DNAJB13: variants seen among roughly 807,000 people sequenced by gnomAD.
DNAJB13 encodes the protein dnaJ homolog subfamily B member 13.
In DNAJB13, 22 loss-of-function variants were observed where a neutral mutation model predicts 35.6. The ratio of observed to expected loss-of-function variants is 0.62; its 90% CI spans 0.44 to 0.88. The LOEUF is 0.88. DNAJB13 is among the 40% of genes least tolerant of loss of function. The pLI is 0.00. For synonymous variants in DNAJB13, 136 were observed against 144.2 expected (o/e 0.94, Z 0.41); for missense variants, 370 against 384.3 (o/e 0.96, Z 0.31).
chr11:73,959,647 C>T lies in DNAJB13; in HGVS notation c.326C>T (p.Pro109Leu). The change falls in exon 3 of 8, where the codon CCC (proline) becomes CTC (leucine). Residue 109 changes from proline (P) to leucine (L), a missense_variant. By Grantham distance (98) the Pro-to-Leu change is moderately conservative. Transcript: ENST00000339764. Reference protein sequence around the residue: ...VFHEFFGGNNPFSEFFDAEGS... With the variant: ...VFHEFFGGNNLFSEFFDAEGS... Reference sequence around the variant, plus strand: ...CACGAGTTCTTTGGTGGAAACAACCCCTTCAGTGGTAAGAGGTCTTCCTCC... The same window carrying T: ...CACGAGTTCTTTGGTGGAAACAACCTCTTCAGTGGTAAGAGGTCTTCCTCC... 1 of 1,613,780 alleles carries T rather than the reference C, an allele frequency of 6.2e-7. No homozygotes were observed. Among genetic ancestry groups the T allele is most frequent in the Non-Finnish European group, 8.5e-7 (1 of 1,179,784 alleles).
At chr11:73,954,058 C>G (rs2135276530) in intron 1 of DNAJB13, among the ~76,000 whole-genome samples, 1 of 149,900 alleles carries the variant, frequency 6.7e-6, no homozygotes, top group Admixed American at 6.7e-5. Flanking sequence ...GACACAGTGG[C>G]TCACACCTGT....
At position 73,964,818 on chromosome 11, in the gene DNAJB13, C is replaced by CGT. The variant is rs746651195; in HGVS notation, c.335-59_335-58insTG. ...GTGTGTGTGTGTGTGTGTGTGCGCG[C>CGT]GCGCGCATGTCTGGGTCTCTGGATA... On this transcript the variant is annotated intron_variant, in intron 3 of 7. Coordinates refer to ENST00000339764, the MANE Select transcript of DNAJB13 (RefSeq NM_153614.4). 1.3e-3 allele frequency: 1,991 copies of CGT among 1,511,446 alleles called. 98 individuals are homozygous for CGT. In the African/African-American group the frequency reaches 0.025, roughly 19 times the overall value. The allele number at this position is 1,511,446 out of a possible 1,614,324, so 93.6% of individuals were successfully genotyped here.
chr11:73,969,084 G>C (rs1951207722), intron 6 of DNAJB13, among the ~76,000 whole-genome samples, 162 bp from the exon 7 acceptor site: 1 of 152,118 alleles, frequency 6.6e-6, no homozygotes, highest in Non-Finnish European at 1.5e-5. Flanking sequence ...TCCTGCCAGT[G>C]CAGAAAATTG....
intron 3 of DNAJB13, among the ~76,000 whole-genome samples, chr11:73,961,014 T>A (rs77538513): frequency 1.3e-5 from 2 of 152,032 alleles, no homozygotes; most frequent in Admixed American, 1.3e-4. Flanking sequence ...AGGCCAGGTG[T>A]GGTGGCTCAC....
chr11:73,957,324 A>G (rs1042994672), intron 1 of DNAJB13, among the ~76,000 whole-genome samples: 2 of 151,982 alleles, frequency 1.3e-5, no homozygotes, highest in South Asian at 2.1e-4. Context: ...CTGTCCACAC[A>G]CTCCAACAGA....
Position 73,964,837 on chromosome 11 carries a change from CTG to C in DNAJB13, c.335-40_335-39del, listed in dbSNP as rs774320565. ...TGCGCGCGCGCGCATGTCTGGGTCT[CTG>C]GATACAATTTCTCTTACTCCTCTCC... On this transcript the variant is annotated intron_variant, in intron 3 of 7. Coordinates refer to ENST00000339764, the MANE Select transcript of DNAJB13 (RefSeq NM_153614.4). The C allele has an allele frequency of 8.3e-6, 13 of 1,571,236 alleles. No individual in the cohort carries two copies. In the African/African-American group the frequency reaches 1.3e-4, roughly 16 times the overall value.
chr11:73,956,411 G>A (rs1298002813), intron 1 of DNAJB13, among the ~76,000 whole-genome samples: 1 of 152,136 alleles, frequency 6.6e-6, no homozygotes, highest in Non-Finnish European at 1.5e-5. Context: ...AGAGGGAGAA[G>A]CAGGGGCTTG....
intron 1 of DNAJB13, among the ~76,000 whole-genome samples, chr11:73,953,335 G>A (rs149176964): frequency 6.6e-6 from 1 of 152,164 alleles, no homozygotes; most frequent in South Asian, 2.1e-4. Context: ...ACTGTAGCAG[G>A]ACGAGCCGCA....
chr11:73,954,721 C>T (rs1198562807), intron 1 of DNAJB13, among the ~76,000 whole-genome samples: 2 of 151,702 alleles, frequency 1.3e-5, no homozygotes, highest in African/African-American at 4.8e-5. Context: ...TTTGGGAGGA[C>T]GAGGCAGGAG....
chr11:73,964,634 C>A, intron 3 of DNAJB13: 1 of 489,974 alleles, frequency 2.0e-6, no homozygotes, highest in South Asian at 2.4e-5. Context: ...TGGGAAATGG[C>A]AAAGGATGAT....
chr11:73,965,501 C>CA (rs1951086848), intron 4 of DNAJB13: 1 of 161,114 alleles, frequency 6.2e-6, no homozygotes, highest in Non-Finnish European at 1.4e-5. Context: ...CTCAGTGCCT[C>CA]ATGTCTAGTC....
chr11:73,968,718 C>T (rs1191283671), intron 6 of DNAJB13, among the ~76,000 whole-genome samples: 1 of 152,222 alleles, frequency 6.6e-6, no homozygotes, highest in African/African-American at 2.4e-5. Context: ...CTGCCACACA[C>T]TCATCAGACC....
In DNAJB13 at chr11:73,970,070, A is replaced by C; in HGVS notation, c.907A>C (p.Thr303Pro). Residue 303 changes from threonine (T) to proline (P), a missense_variant, in exon 8 of 8, where the codon ACA (threonine) becomes CCA (proline). Transcript: ENST00000339764. ...FFDIQFPTRL[T>P]PQKKQMLRQA... Reference sequence around the variant, plus strand: ...CGACATCCAGTTCCCCACCCGCCTCACACCCCAGAAGAAGCAGATGCTGCG... The same window carrying C: ...CGACATCCAGTTCCCCACCCGCCTCCCACCCCAGAAGAAGCAGATGCTGCG... 1 of 1,610,602 alleles carries C rather than the reference A, an allele frequency of 6.2e-7. No individual in the cohort carries two copies. The highest frequency in any genetic ancestry group is 8.5e-7 in the Non-Finnish European group (1 of 1,178,356).
At chr11:73,957,993 C>T (rs1442083786) in intron 1 of DNAJB13, among the ~76,000 whole-genome samples, 2 of 152,122 alleles carry the variant, frequency 1.3e-5, no homozygotes, top group African/African-American at 2.4e-5. Flanking sequence ...TCGCGCAAAG[C>T]TTGCCCGTTG....
At chr11:73,958,011 C>T (rs1448276515) in intron 1 of DNAJB13, among the ~76,000 whole-genome samples, 1 of 152,134 alleles carries the variant, frequency 6.6e-6, no homozygotes, top group African/African-American at 2.4e-5. Flanking sequence ...TTGGAGGAGT[C>T]CTGTGTCTTG....
Position 73,964,589 on chromosome 11 carries a change from G to T in DNAJB13, c.335-289G>T, listed in dbSNP as rs141255063. 6.8e-3 allele frequency: 2,467 copies of T among 363,286 alleles called. 61 individuals carry two copies. The highest frequency in any genetic ancestry group is 0.051 in the African/African-American group (2,313 of 45,026). The allele number at this position is 363,286 out of a possible 1,614,324, so 22.5% of individuals were successfully genotyped here. On this transcript the variant is annotated intron_variant, in intron 3 of 7. Transcript: ENST00000339764. ...GAGAGACGGGGAAGCGTTGGGCGGG[G>T]TGGGGGGGGAATGTCCCAAGGGGAG...
chr11:73,961,559 T>C (rs1383947019), intron 3 of DNAJB13, among the ~76,000 whole-genome samples: 1 of 152,128 alleles, frequency 6.6e-6, no homozygotes, highest in Non-Finnish European at 1.5e-5. Flanking sequence ...AAACCTAGTG[T>C]CTCCACAACA....
intron 3 of DNAJB13, 122 bp downstream of exon 3, chr11:73,959,777 T>C: frequency 9.5e-7 from 1 of 1,048,620 alleles, no homozygotes; most frequent in South Asian, 2.6e-5. Flanking sequence ...ACTTATTTTT[T>C]TTGGAGATGG....
intron 3 of DNAJB13, among the ~76,000 whole-genome samples, chr11:73,961,457 A>C (rs1950929348): frequency 6.6e-6 from 1 of 152,216 alleles, no homozygotes; most frequent in Non-Finnish European, 1.5e-5. Flanking sequence ...GTTGCATTCC[A>C]GAGCACACCA....
Sources: gnomAD v4.1 joint callset for allele counts (sites outside exome capture counted in the v4.1 genomes callset) on GRCh38, gnomAD v4.1.1 for gene constraint, MANE v1.5 for transcripts, NCBI Gene and HGNC (gene_info 2026-07-23, HGNC 2026-07-21) for gene names.